Variants in MED12L observed in about 807,000 individuals in gnomAD.
MED12L encodes mediator of RNA polymerase II transcription subunit 12-like protein.
A neutral mutation model predicts 281.3 loss-of-function variants in MED12L; 60 were observed. The observed-to-expected ratio is 0.21, with a 90% CI of 0.17 to 0.26. MED12L has a LOEUF of 0.26. Among genes scored for constraint, MED12L ranks in the 10% least tolerant of loss-of-function variants. The probability of loss-of-function intolerance (pLI) is 1.00; values close to 1 mark genes in which losing one functional copy is unlikely to be tolerated. For missense variants in MED12L, 2,146 were observed against 2,680.9 expected, an observed-to-expected ratio of 0.80 and a Z score of 4.41; for synonymous variants, 974 against 987.2, an observed-to-expected ratio of 0.99 and a Z score of 0.25.
intron 2 of MED12L, among the ~76,000 whole-genome samples, chr3:151,091,695 G>A (rs557668463): frequency 6.6e-6 from 1 of 152,320 alleles, no homozygotes; most frequent in Admixed American, 6.5e-5. Flanking sequence ...CCCTCCAGTG[G>A]CTTTTTCCAT....
rs532583215 is a variant in MED12L at position 151,327,692 on chromosome 3, C to T, written c.2251-22367C>T. On this transcript the variant is annotated intron_variant, in intron 16 of 44. Coordinates refer to ENST00000687756, the MANE Select transcript of MED12L (RefSeq NM_001393769.1). ...AGGTTTGTAGGGATATACGTTTCTCCTTAGTCTTTTCCAAAATGTTAAAGT... is the reference window on the plus strand; with the variant it reads ...AGGTTTGTAGGGATATACGTTTCTCTTTAGTCTTTTCCAAAATGTTAAAGT... The T allele has an allele frequency of 1.8e-5, 4 of 218,506 alleles. No homozygotes were observed. In the East Asian group the frequency reaches 3.0e-4, roughly 16 times the overall value. The allele number at this position is 218,506 out of a possible 1,614,324, so 13.5% of individuals were successfully genotyped here.
chr3:151,282,142 G>A (rs1055612475), intron 16 of MED12L, among the ~76,000 whole-genome samples: 1 of 152,174 alleles, frequency 6.6e-6, no homozygotes, highest in African/African-American at 2.4e-5. Flanking sequence ...TAGTGAGTAA[G>A]ACACTAGCGC....
At chr3:151,392,475 A>G (rs1298686831) in intron 38 of MED12L, among the ~76,000 whole-genome samples, 5 of 73,766 alleles carry the variant, frequency 6.8e-5, no homozygotes, top group Non-Finnish European at 7.7e-5. Flanking sequence ...AAGAAAAAAA[A>G]AAAAAAAAAA....
chr3:151,215,484 C>T (rs1728028781), intron 16 of MED12L, among the ~76,000 whole-genome samples: 1 of 152,020 alleles, frequency 6.6e-6, no homozygotes, highest in South Asian at 2.1e-4. Flanking sequence ...CTTTTTAAGA[C>T]TCTGGCTACT....
At chr3:151,331,305 A>G (rs1358900675) in intron 16 of MED12L, among the ~76,000 whole-genome samples, 1 of 152,198 alleles carries the variant, frequency 6.6e-6, no homozygotes. Context: ...CCTTGAAGAC[A>G]CAGCTGAGAA....
intron 27 of MED12L, among the ~76,000 whole-genome samples, chr3:151,374,505 G>A (rs1008179437): frequency 5.3e-5 from 8 of 152,100 alleles, no homozygotes; most frequent in African/African-American, 9.7e-5. Context: ...CCGAGATTGC[G>A]CCACTGCACT....
intron 16 of MED12L, among the ~76,000 whole-genome samples, chr3:151,277,416 GT>G (rs1363901237): frequency 4.0e-5 from 6 of 150,964 alleles, no homozygotes; most frequent in African/African-American, 7.3e-5. Flanking sequence ...TAATGGCTAG[GT>G]TTTTTTTTAG....
intron 16 of MED12L, among the ~76,000 whole-genome samples, chr3:151,237,329 C>T (rs867294534): frequency 7.0e-5 from 10 of 143,248 alleles, no homozygotes; most frequent in Admixed American, 1.4e-4. Flanking sequence ...TGAGCCACCA[C>T]GCCTGGCTTT....
At chr3:151,309,361 T>C (rs1747176158) in intron 16 of MED12L, among the ~76,000 whole-genome samples, 1 of 152,182 alleles carries the variant, frequency 6.6e-6, no homozygotes, top group Non-Finnish European at 1.5e-5. Context: ...GCCACATGCA[T>C]TTTCCTGCTA....
chr3:151,086,765 G>T (rs1461333943), intron 1 of MED12L, 33 bp from the exon 2 acceptor site: 1 of 566,934 alleles, frequency 1.8e-6, no homozygotes, highest in African/African-American at 2.0e-5. Flanking sequence ...GGCAGCGGCA[G>T]CATCCAACCT....
intron 16 of MED12L, among the ~76,000 whole-genome samples, chr3:151,271,794 A>T (rs1172168131): frequency 6.6e-6 from 1 of 152,210 alleles, no homozygotes; most frequent in Non-Finnish European, 1.5e-5. Context: ...TTGTGATTCC[A>T]TTTCAGTGTA....
chr3:151,152,085 G>GCTTTTT (rs1269821388), intron 5 of MED12L, among the ~76,000 whole-genome samples: 4 of 62,984 alleles, frequency 6.4e-5, no homozygotes, highest in African/African-American at 2.5e-4. Flanking sequence ...GTTGAAGGTG[G>GCTTTTT]TTTTTTTTTT....
At chr3:151,105,570 C>A (rs1412128200) in intron 2 of MED12L, among the ~76,000 whole-genome samples, 1 of 152,120 alleles carries the variant, frequency 6.6e-6, no homozygotes, top group African/African-American at 2.4e-5. Flanking sequence ...TCCTTCTCTC[C>A]CCTCTGGCCA....
rs775904803 is a variant in MED12L at position 151,380,109 on chromosome 3, G to A, written c.4479-4G>A. On this transcript the variant is annotated splice_region_variant and splice_polypyrimidine_tract_variant and intron_variant, in intron 31 of 44. Transcript: ENST00000687756. Reference sequence around the variant, plus strand: ...ATCTGTTGTTATTATTACTTCCTTTGTAGTATGTCTCTTTTGAGTCAACAA... The same window carrying A: ...ATCTGTTGTTATTATTACTTCCTTTATAGTATGTCTCTTTTGAGTCAACAA... 9 of 1,548,526 alleles carry A rather than the reference G, an allele frequency of 5.8e-6. No homozygotes were observed. Among genetic ancestry groups the A allele is most frequent in the Non-Finnish European group, 7.9e-6 (9 of 1,136,792 alleles).
chr3:151,215,871 C>G (rs1053513095), intron 16 of MED12L, among the ~76,000 whole-genome samples: 1 of 152,170 alleles, frequency 6.6e-6, no homozygotes, highest in African/African-American at 2.4e-5. Context: ...CTTTTAGGTT[C>G]TGTGATTTCT....
At position 151,165,956 on chromosome 3, in the gene MED12L, G is replaced by C; in HGVS notation, c.1468G>C (p.Ala490Pro). ...GACACTTTATCATAAGATTTTCTGG[G>C]CAAACCAAAACAAAGATAACCAAGA... is the stretch of plus-strand genomic sequence containing the variant. ...METLYHKIFW[A>P]NQNKDNQEVA... The change falls in exon 11 of 45, where the codon GCA (alanine) becomes CCA (proline). Residue 490 changes from alanine to proline, a missense_variant. By Grantham distance (27) the Ala-to-Pro change is conservative. This residue lies in a region of MED12L where 722 missense variants were observed against 861.2 expected (regional missense o/e 0.84). Transcript: ENST00000687756. 6.2e-7 allele frequency: 1 copy of C among 1,612,574 alleles called. No individual in the cohort carries two copies. The highest frequency in any genetic ancestry group is 8.5e-7 in the Non-Finnish European group (1 of 1,179,298).
chr3:151,431,119 T>C (rs1323371096), intron 44 of MED12L, among the ~76,000 whole-genome samples: 1 of 152,176 alleles, frequency 6.6e-6, no homozygotes, highest in Non-Finnish European at 1.5e-5. Flanking sequence ...ATGCAAAGAA[T>C]ATTAGCCTGG....
chr3:151,253,457 G>T (rs1379783771), intron 16 of MED12L, among the ~76,000 whole-genome samples: 8 of 152,066 alleles, frequency 5.3e-5, no homozygotes, highest in Non-Finnish European at 7.4e-5. Context: ...CCTTTGTTGG[G>T]CCGTTTCCTA....
intron 4 of MED12L, among the ~76,000 whole-genome samples, chr3:151,127,296 G>T (rs1325930416): frequency 6.6e-6 from 1 of 152,132 alleles, no homozygotes; most frequent in East Asian, 1.9e-4. Context: ...CATCATTGTA[G>T]TCTCTCTTTT....
Sources: gnomAD v4.1 joint callset for allele counts (sites outside exome capture counted in the v4.1 genomes callset) on GRCh38, gnomAD v4.1.1 for gene constraint, gnomAD v4.1.1 regional missense constraint, MANE v1.5 for transcripts, NCBI Gene and HGNC (gene_info 2026-07-23, HGNC 2026-07-21) for gene names.